Variants in IL1RAPL1 observed in about 807,000 individuals in gnomAD.
IL1RAPL1 encodes interleukin 1 receptor accessory protein like 1, also known as interleukin-1 receptor accessory protein-like 1.
Under a neutral mutation model 48.4 loss-of-function variants are expected in IL1RAPL1, and 3 were observed. That is an observed-to-expected ratio of 0.06 (90% CI 0.03 to 0.16). The LOEUF (loss-of-function observed/expected upper bound fraction) is 0.16. Among genes scored for constraint, IL1RAPL1 ranks in the 10% least tolerant of loss-of-function variants. The pLI is 1.00. For synonymous variants in IL1RAPL1, 185 were observed against 187.7 expected (o/e 0.99, Z 0.12); for missense variants, 349 against 530.6 (o/e 0.66, Z 3.36).
At chrX:28,797,161 C>A (rs1440605216) in intron 2 of IL1RAPL1, among the ~76,000 whole-genome samples, 3 of 111,543 alleles carry the variant, frequency 2.7e-5, no homozygotes, top group Non-Finnish European at 5.6e-5. Flanking sequence ...GGGCCCAGCC[C>A]ATGAAATCAC....
chrX:29,237,068 C>T (rs1931323003), intron 2 of IL1RAPL1, among the ~76,000 whole-genome samples: 1 of 111,105 alleles, frequency 9.0e-6, no homozygotes, highest in Admixed American at 9.6e-5. Context: ...TTCATGCTCA[C>T]AGCCCAGAGA....
At chrX:29,893,333 G>A (rs1932308690) in intron 6 of IL1RAPL1, among the ~76,000 whole-genome samples, 1 of 111,245 alleles carries the variant, frequency 9.0e-6, no homozygotes, top group Admixed American at 9.6e-5. Context: ...TGTCTCAGGG[G>A]CCTAAATTCG....
intron 3 of IL1RAPL1, among the ~76,000 whole-genome samples, chrX:29,321,518 C>T (rs1347027488): frequency 8.9e-6 from 1 of 112,176 alleles, no homozygotes; most frequent in African/African-American, 3.2e-5. Context: ...ATTACAATTA[C>T]TGTTTTTCGT....
At chrX:29,678,671 A>G (rs1203369993) in intron 6 of IL1RAPL1, among the ~76,000 whole-genome samples, 1 of 109,952 alleles carries the variant, frequency 9.1e-6, no homozygotes, top group Admixed American at 9.7e-5. Context: ...CCCGGCCAAC[A>G]CTATTTTTTT....
chrX:28,738,117 A>T (rs1935866485), intron 1 of IL1RAPL1, among the ~76,000 whole-genome samples: 1 of 111,603 alleles, frequency 9.0e-6, no homozygotes. Flanking sequence ...TCACTATTAT[A>T]TACATTTCTT....
At chrX:28,967,075 A>G (rs1263021900) in intron 2 of IL1RAPL1, among the ~76,000 whole-genome samples, 4 of 112,175 alleles carry the variant, frequency 3.6e-5, no homozygotes, top group African/African-American at 9.7e-5. Flanking sequence ...AGGCCAAAAC[A>G]GTGACCAAAC....
chrX:29,238,569 C>G (rs1476274986), intron 2 of IL1RAPL1, among the ~76,000 whole-genome samples: 5 of 111,471 alleles, frequency 4.5e-5, no homozygotes, highest in Middle Eastern at 4.2e-3. Flanking sequence ...TCGATTACAT[C>G]TGAATCTGGG....
At chrX:29,528,318 C>G (rs764006078) in intron 5 of IL1RAPL1, among the ~76,000 whole-genome samples, 4 of 112,351 alleles carry the variant, frequency 3.6e-5, no homozygotes, top group Non-Finnish European at 7.5e-5. Context: ...TACTAGGCAA[C>G]TAAAGCAATA....
At chrX:29,734,875 C>G (rs762857741) in intron 6 of IL1RAPL1, among the ~76,000 whole-genome samples, 2 of 111,468 alleles carry the variant, frequency 1.8e-5, no homozygotes, top group South Asian at 7.6e-4. Context: ...GGGGAAAGCA[C>G]CTGTCTTGAA....
chrX:28,916,131 A>G (rs1485025088), intron 2 of IL1RAPL1, among the ~76,000 whole-genome samples: 1 of 110,704 alleles, frequency 9.0e-6, no homozygotes, highest in African/African-American at 3.3e-5. Context: ...TCACTGTTAA[A>G]TTGGATTAAG....
chrX:29,431,846 G>A (rs1207675205), intron 5 of IL1RAPL1, among the ~76,000 whole-genome samples: 1 of 110,874 alleles, frequency 9.0e-6, no homozygotes, highest in African/African-American at 3.3e-5. Context: ...ATCATTAGTG[G>A]GAATTAGAAG....
chrX:28,911,740 C>T (rs1263458833), intron 2 of IL1RAPL1, among the ~76,000 whole-genome samples: 1 of 109,959 alleles, frequency 9.1e-6, no homozygotes, highest in Non-Finnish European at 1.9e-5. Flanking sequence ...AACATAATGT[C>T]CACTCAATAA....
At chrX:29,776,149 GC>G (rs1929191409) in intron 6 of IL1RAPL1, among the ~76,000 whole-genome samples, 2 of 111,451 alleles carry the variant, frequency 1.8e-5, no homozygotes, top group South Asian at 7.4e-4. Context: ...CAGTGACACA[GC>G]CCTGCCTGTA....
intron 1 of IL1RAPL1, among the ~76,000 whole-genome samples, chrX:28,725,317 G>C (rs186583676): frequency 3.6e-5 from 4 of 111,565 alleles, no homozygotes; most frequent in African/African-American, 1.3e-4. Context: ...AGAAAAACAA[G>C]AATTCACTGG....
intron 2 of IL1RAPL1, among the ~76,000 whole-genome samples, chrX:28,816,069 T>C (rs1366259716): frequency 9.6e-6 from 1 of 104,700 alleles, no homozygotes; most frequent in Non-Finnish European, 2.0e-5. Flanking sequence ...ATTTAGTTTT[T>C]TGAGGAAACT....
At chrX:28,839,997 A>T (rs990630903) in intron 2 of IL1RAPL1, among the ~76,000 whole-genome samples, 4 of 110,942 alleles carry the variant, frequency 3.6e-5, no homozygotes, top group African/African-American at 1.3e-4. Flanking sequence ...GAAGAAAAAA[A>T]TACTACACCA....
chrX:29,013,257 A>G lies in IL1RAPL1; in HGVS notation c.82+223832A>G, dbSNP rs759634131. Among the ~76,000 whole-genome samples the G allele has an allele frequency of 1.2e-4, 13 of 111,709 alleles. No homozygotes were observed. The South Asian group carries it at 4.1e-3, about 36-fold the overall frequency. On this transcript the variant is annotated intron_variant, in intron 2 of 10. Transcript: ENST00000378993. ...TATGGAAAAAAAGGAATGCTTTTAC[A>G]CTGTTGGTGAAAGTGTAAATTAGTT...
At chrX:28,989,554 A>G (rs1035571108) in intron 2 of IL1RAPL1, among the ~76,000 whole-genome samples, 8 of 112,341 alleles carry the variant, frequency 7.1e-5, no homozygotes, top group Non-Finnish European at 1.3e-4. Context: ...GTACACCTCT[A>G]TTGATACACT....
chrX:29,782,888 A>ATTTTTT lies in IL1RAPL1; in HGVS notation c.778+114413_778+114418dup, dbSNP rs780831874. Reference sequence around the variant, plus strand: ...GAAGATAAAATGGGTTGATCGTGACATTTTTTTTTTTTTTTTTTTTTTTTT... The same window carrying ATTTTTT: ...GAAGATAAAATGGGTTGATCGTGACATTTTTTTTTTTTTTTTTTTTTTTTTTTTTTT... On this transcript the variant is annotated intron_variant, in intron 6 of 10. Coordinates refer to ENST00000378993, the MANE Select transcript of IL1RAPL1 (RefSeq NM_014271.4). Among the ~76,000 whole-genome samples, 61 of 31,088 alleles carry ATTTTTT rather than the reference A, an allele frequency of 2.0e-3. 2 individuals are homozygous for ATTTTTT. The highest frequency in any genetic ancestry group is 3.8e-3 in the Admixed American group (6 of 1,589). 27.0% of individuals were successfully genotyped at this position (31,088 alleles called of 115,157 possible).
Sources: gnomAD v4.1 joint callset for allele counts (sites outside exome capture counted in the v4.1 genomes callset) on GRCh38, gnomAD v4.1.1 for gene constraint, MANE v1.5 for transcripts, NCBI Gene and HGNC (gene_info 2026-07-23, HGNC 2026-07-21) for gene names.